The following SPAG9 variants were observed in gnomAD, a reference collection of about 807,000 sequenced individuals.
SPAG9 encodes the protein sperm associated antigen 9.
In SPAG9, 35 loss-of-function variants were observed where a neutral mutation model predicts 166.5. The observed-to-expected ratio is 0.21, with a 90% CI of 0.16 to 0.28. The LOEUF is 0.28. Ranked by LOEUF, SPAG9 falls within the 10% of genes least tolerant of loss-of-function variation. The probability of loss-of-function intolerance (pLI) is 1.00; values close to 1 mark genes in which losing one functional copy is unlikely to be tolerated. For synonymous variants in SPAG9, 534 were observed against 565.5 expected (o/e 0.94, Z 0.79); for missense variants, 1,235 against 1,603.3 (o/e 0.77, Z 3.92).
intron 29 of SPAG9, 114 bp downstream of exon 29, chr17:50,970,593 A>G (rs905221984): frequency 6.2e-6 from 5 of 800,464 alleles, no homozygotes; most frequent in Non-Finnish European, 9.4e-6. Flanking sequence ...GTGTGTAAAG[A>G]GCTCAAAGAG....
chr17:50,990,310 G>C (rs898561126), intron 20 of SPAG9, 140 bp downstream of exon 20: 5 of 707,060 alleles, frequency 7.1e-6, no homozygotes, highest in Non-Finnish European at 1.2e-5. Flanking sequence ...TTACAGGCGT[G>C]AGCCACCACG....
intron 3 of SPAG9, among the ~76,000 whole-genome samples, chr17:51,055,353 T>TCA (rs144478419): frequency 0.028 from 4,224 of 148,860 alleles, 171 homozygotes; most frequent in East Asian, 0.19. Flanking sequence ...ACTCTCTCTC[T>TCA]CACACACACA....
intron 3 of SPAG9, among the ~76,000 whole-genome samples, chr17:51,047,922 T>G (rs1003008094): frequency 2.0e-5 from 3 of 152,108 alleles, no homozygotes; most frequent in Non-Finnish European, 4.4e-5. Context: ...TATGTGCTGA[T>G]CTCTTCCATT....
intron 13 of SPAG9, among the ~76,000 whole-genome samples, chr17:51,000,752 A>G (rs2044904398): frequency 4.5e-5 from 1 of 22,180 alleles, no homozygotes; most frequent in African/African-American, 2.5e-4. Context: ...TCAATAAATG[A>G]ATGAATAAAT....
intron 1 of SPAG9, among the ~76,000 whole-genome samples, chr17:51,090,884 T>C (rs1269579514): frequency 6.6e-6 from 1 of 152,176 alleles, no homozygotes; most frequent in Non-Finnish European, 1.5e-5. Flanking sequence ...TTTCAAACTC[T>C]GAATATGAAA....
chr17:51,053,854 AGT>A (rs1491190755), intron 3 of SPAG9, among the ~76,000 whole-genome samples: 3,351 of 34,430 alleles, frequency 0.097, 242 homozygotes, highest in Admixed American at 0.14. Flanking sequence ...AAAAAAAAAA[AGT>A]ATATATATAT....
intron 1 of SPAG9, among the ~76,000 whole-genome samples, chr17:51,106,531 T>C (rs2048956038): frequency 6.6e-6 from 1 of 152,150 alleles, no homozygotes; most frequent in South Asian, 2.1e-4. Context: ...GCGCGGTGGC[T>C]CATGCCTGTA....
At chr17:51,039,687 A>T (rs1301406989) in intron 5 of SPAG9, among the ~76,000 whole-genome samples, 2 of 152,204 alleles carry the variant, frequency 1.3e-5, no homozygotes, top group Non-Finnish European at 2.9e-5. Context: ...ATAAGTTGTC[A>T]ATAAAGTTCT....
Position 50,990,499 on chromosome 17 carries a change from G to A in SPAG9, c.2568C>T (p.Ala856=), listed in dbSNP as rs1597924943. 4 of 1,614,060 alleles carry A rather than the reference G, an allele frequency of 2.5e-6. No homozygotes were observed. In the South Asian group the frequency reaches 4.4e-5, roughly 18 times the overall value. The change falls in exon 20 of 30, where the codon GCC becomes GCT. Residue 856 remains alanine (A), a synonymous_variant. Coordinates refer to ENST00000262013, the MANE Select transcript of SPAG9 (RefSeq NM_001130528.3). ...AAGCACCATTTGTACTAGGGGAAGT[G>A]GCAGCTCCCGTCACACCTTCTGCAG... ...GCSAEGVTGA[A]TSPSTNGASP... is the part of the protein sequence containing the mutation.
intron 1 of SPAG9, among the ~76,000 whole-genome samples, chr17:51,118,100 A>G (rs1435607631): frequency 6.6e-6 from 1 of 151,094 alleles, no homozygotes; most frequent in Non-Finnish European, 1.5e-5. Flanking sequence ...GTGCCACTGC[A>G]CTCCAGCCTG....
chr17:51,009,511 G>T (rs547476899), intron 9 of SPAG9, among the ~76,000 whole-genome samples: 3 of 152,158 alleles, frequency 2.0e-5, no homozygotes, highest in Non-Finnish European at 1.5e-5. Flanking sequence ...TACTTGGCTT[G>T]CACGTCTTTG....
At position 50,999,441 on chromosome 17, in the gene SPAG9, G is replaced by A. The variant is rs769206063; in HGVS notation, c.1664+220C>T. The A allele has an allele frequency of 6.0e-5, 89 of 1,471,236 alleles. 1 individual carries two copies. Among genetic ancestry groups the A allele is most frequent in the Non-Finnish European group, 5.6e-5 (62 of 1,114,990 alleles). The allele number at this position is 1,471,236 out of a possible 1,614,324, so 91.1% of individuals were successfully genotyped here. A position where few individuals can be genotyped will look rare whatever the true frequency, so the allele number is the denominator to read the frequency against. Reference sequence around the variant, plus strand: ...GCACAGTCAACATGATGCAGCTTACGATATCATATTTTTTGTCCTTGAGAA... The same window carrying A: ...GCACAGTCAACATGATGCAGCTTACAATATCATATTTTTTGTCCTTGAGAA... On this transcript the variant is annotated intron_variant, in intron 14 of 29. Coordinates refer to ENST00000262013, the MANE Select transcript of SPAG9 (RefSeq NM_001130528.3).
In SPAG9 at chr17:50,989,777, T is replaced by C; in HGVS notation, c.2713A>G (p.Thr905Ala). ...TEGNAGSAED[T>A]VDISQTGVYT... Reference sequence around the variant, plus strand: ...ACGCCAGTTTGGGAGATGTCCACTGTGTCTTCAGCTGACCCCGCATTCCCT... The same window carrying C: ...ACGCCAGTTTGGGAGATGTCCACTGCGTCTTCAGCTGACCCCGCATTCCCT... The change falls in exon 21 of 30, where the codon ACA becomes GCA. Residue 905 changes from threonine to alanine, a missense_variant. Coordinates refer to ENST00000262013, the MANE Select transcript of SPAG9 (RefSeq NM_001130528.3). 1 of 1,614,064 alleles carries C rather than the reference T, an allele frequency of 6.2e-7. No individual in the cohort carries two copies. The highest frequency in any genetic ancestry group is 8.5e-7 in the Non-Finnish European group (1 of 1,179,974).
chr17:51,096,054 GATAT>G (rs1205885218), intron 1 of SPAG9, among the ~76,000 whole-genome samples: 2 of 135,628 alleles, frequency 1.5e-5, no homozygotes, highest in African/African-American at 5.5e-5. Context: ...TATATATAGT[GATAT>G]ATATATATAT....
Position 50,974,723 on chromosome 17 carries a change from G to A in SPAG9, c.3700+48C>T, listed in dbSNP as rs761824821. The A allele has an allele frequency of 8.7e-6, 13 of 1,495,732 alleles. No individual in the cohort carries two copies. The Admixed American group carries it at 3.0e-4, about 34-fold the overall frequency. The allele number at this position is 1,495,732 out of a possible 1,614,324, so 92.7% of individuals were successfully genotyped here. A position where few individuals can be genotyped will look rare whatever the true frequency, so the allele number is the denominator to read the frequency against. ...TAGGTAGTGGAACCAAGAGATGACA[G>A]AAGAGAGACAATTACATGGAACATC... is the stretch of plus-strand genomic sequence containing the variant. On this transcript the variant is annotated intron_variant, in intron 28 of 29. Transcript: ENST00000262013.
At chr17:51,093,348 G>C (rs1444711918) in intron 1 of SPAG9, among the ~76,000 whole-genome samples, 1 of 152,102 alleles carries the variant, frequency 6.6e-6, no homozygotes. Flanking sequence ...AGGGCTATTT[G>C]TAACAGTTCA....
At chr17:51,050,101 G>A (rs1370496832) in intron 3 of SPAG9, among the ~76,000 whole-genome samples, 2 of 152,162 alleles carry the variant, frequency 1.3e-5, no homozygotes, top group African/African-American at 4.8e-5. Context: ...CCATTCTACA[G>A]ACTGATTCTC....
intron 1 of SPAG9, among the ~76,000 whole-genome samples, chr17:51,085,959 ATTTTTTTTT>A (rs34918673): frequency 1.1e-5 from 1 of 88,066 alleles, no homozygotes; most frequent in African/African-American, 4.6e-5. Flanking sequence ...CTTGGAAATC[ATTTTTTTTT>A]TTTTTTTTTT....
chr17:51,063,902 G>A (rs8070998), intron 2 of SPAG9, among the ~76,000 whole-genome samples: 14,359 of 148,750 alleles, frequency 0.097, 1,967 homozygotes, highest in African/African-American at 0.32. Flanking sequence ...AAATAAATAA[G>A]TAAGTAAGTA....
Sources: allele counts gnomAD v4.1 joint callset (sites outside exome capture counted in the v4.1 genomes callset), GRCh38; gene constraint gnomAD v4.1.1; transcripts MANE v1.5; gene names NCBI Gene and HGNC (gene_info 2026-07-23, HGNC 2026-07-21).